Variants in LRP1B observed in about 807,000 individuals in gnomAD.
The protein encoded by LRP1B is LDL receptor related protein 1B.
LRP1B carries 217 observed loss-of-function variants against 556.6 expected under a neutral mutation model. That is an observed-to-expected ratio of 0.39 (90% CI 0.35 to 0.44). LRP1B has a LOEUF of 0.44. Ranked by LOEUF, LRP1B falls within the 20% of genes least tolerant of loss-of-function variation. LRP1B has a pLI of 1.00. For synonymous variants in LRP1B, 2,047 were observed against 1,865.8 expected (o/e 1.10, Z -2.50); for missense variants, 5,053 against 5,620.8 (o/e 0.90, Z 3.23).
intron 2 of LRP1B, among the ~76,000 whole-genome samples, chr2:141,688,961 T>G (rs1234948748): frequency 6.6e-6 from 1 of 151,876 alleles, no homozygotes; most frequent in African/African-American, 2.4e-5. Context: ...CTATTTCCAA[T>G]TCCTTGTCCT....
intron 79 of LRP1B, among the ~76,000 whole-genome samples, chr2:140,332,603 C>T (rs1031115958): frequency 1.3e-5 from 2 of 152,046 alleles, no homozygotes; most frequent in African/African-American, 2.4e-5. Flanking sequence ...ATCACAGCCC[C>T]AAGGCCAATT....
intron 3 of LRP1B, among the ~76,000 whole-genome samples, chr2:141,476,992 G>A (rs1225816077): frequency 1.3e-5 from 2 of 152,116 alleles, no homozygotes; most frequent in East Asian, 1.9e-4. Context: ...GTGTGTTGGC[G>A]CATGCCTGTA....
At chr2:141,885,045 T>C (rs1699066626) in intron 1 of LRP1B, among the ~76,000 whole-genome samples, 1 of 152,260 alleles carries the variant, frequency 6.6e-6, no homozygotes, top group Non-Finnish European at 1.5e-5. Context: ...ATATTAAATA[T>C]TCAAATTGTT....
chr2:140,853,640 T>G (rs1692525605), intron 27 of LRP1B, among the ~76,000 whole-genome samples: 1 of 152,092 alleles, frequency 6.6e-6, no homozygotes, highest in Non-Finnish European at 1.5e-5. Flanking sequence ...TAACATTCCT[T>G]ACATCAAGAT....
chr2:140,726,334 G>A (rs1335899732), intron 35 of LRP1B, among the ~76,000 whole-genome samples: 3 of 152,070 alleles, frequency 2.0e-5, no homozygotes, highest in Non-Finnish European at 2.9e-5. Flanking sequence ...AAATAAATAA[G>A]TAAATAAAAG....
chr2:141,729,124 A>C (rs1693165915), intron 2 of LRP1B, among the ~76,000 whole-genome samples: 1 of 152,150 alleles, frequency 6.6e-6, no homozygotes, highest in Non-Finnish European at 1.5e-5. Context: ...AGGTGAGCCA[A>C]AGGGAGCCTG....
At chr2:140,654,674 C>T (rs1684814083) in intron 41 of LRP1B, among the ~76,000 whole-genome samples, 1 of 151,904 alleles carries the variant, frequency 6.6e-6, no homozygotes, top group African/African-American at 2.4e-5. Context: ...CAGACTGACA[C>T]TATAGATGGG....
At chr2:141,108,656 G>A (rs10205473) in intron 7 of LRP1B, among the ~76,000 whole-genome samples, 54,710 of 151,780 alleles carry the variant, frequency 0.36, 10,349 homozygotes, top group East Asian at 0.66. Flanking sequence ...GGCCAAAAAT[G>A]TGTTTATAAT....
At chr2:140,731,764 C>CAAAAAAAA (rs36060787) in intron 35 of LRP1B, among the ~76,000 whole-genome samples, 3 of 59,386 alleles carry the variant, frequency 5.1e-5, no homozygotes, top group Non-Finnish European at 6.6e-5. Context: ...GAGACTCCGT[C>CAAAAAAAA]AAAAAAAAAA....
In LRP1B at chr2:141,903,613, T is replaced by C. The variant is rs193083600; in HGVS notation, c.83-93212A>G. ...TTAAAAAAATACTGAGAATAATTAA[T>C]CTATTTTGCTCTAGTCGGTCAAGCA... is the stretch of plus-strand genomic sequence containing the variant. On this transcript the variant is annotated intron_variant, in intron 1 of 90. Transcript: ENST00000389484. 4.4e-4 allele frequency among the ~76,000 whole-genome samples: 67 copies of C among 152,080 alleles called. No individual in the cohort carries two copies. In the East Asian group the frequency reaches 0.012, roughly 28 times the overall value.
intron 2 of LRP1B, among the ~76,000 whole-genome samples, chr2:141,745,249 T>C (rs1693869767): frequency 6.6e-6 from 1 of 152,128 alleles, no homozygotes; most frequent in South Asian, 2.1e-4. Flanking sequence ...CAAAGTCAGC[T>C]AGACTCCTGT....
At chr2:140,878,761 T>G (rs1693383607) in intron 25 of LRP1B, among the ~76,000 whole-genome samples, 1 of 151,928 alleles carries the variant, frequency 6.6e-6, no homozygotes, top group African/African-American at 2.4e-5. Flanking sequence ...AATCCTAGCA[T>G]TTTGGGAGGT....
At chr2:141,729,022 T>C (rs1431605849) in intron 2 of LRP1B, among the ~76,000 whole-genome samples, 2 of 152,144 alleles carry the variant, frequency 1.3e-5, no homozygotes, top group East Asian at 1.9e-4. Context: ...AGTCCCCATC[T>C]GCTAGTTGGA....
intron 11 of LRP1B, among the ~76,000 whole-genome samples, chr2:141,028,642 CTTAA>C (rs761561161): frequency 8.6e-5 from 13 of 151,934 alleles, no homozygotes; most frequent in African/African-American, 1.5e-4. Context: ...ATAAATTGAT[CTTAA>C]TTGTTTCTTA....
In LRP1B at chr2:140,509,910, C is replaced by T; in HGVS notation, c.8398+18G>A. 6.2e-7 allele frequency: 1 copy of T among 1,609,080 alleles called. No individual in the cohort carries two copies. Among genetic ancestry groups the T allele is most frequent in the Non-Finnish European group, 8.5e-7 (1 of 1,178,022 alleles). Reference sequence around the variant, plus strand: ...GCAACAGTTTTCTTTGACATGCAGCCCTGGCCAGTGTTCATACCGCAGCCT... The same window carrying T: ...GCAACAGTTTTCTTTGACATGCAGCTCTGGCCAGTGTTCATACCGCAGCCT... On this transcript the variant is annotated intron_variant, in intron 52 of 90. Coordinates refer to ENST00000389484, the MANE Select transcript of LRP1B (RefSeq NM_018557.3).
Position 141,579,724 on chromosome 2 carries a change from C to CTTTTTTTTTTTTTTTTTT in LRP1B, c.206-99209_206-99192dup, listed in dbSNP as rs33913417. Among the ~76,000 whole-genome samples, 433 of 100,916 alleles carry CTTTTTTTTTTTTTTTTTT rather than the reference C, an allele frequency of 4.3e-3. 45 individuals carry two copies. The highest frequency in any genetic ancestry group is 0.022 in the East Asian group (76 of 3,442). 66.2% of individuals were successfully genotyped at this position (100,916 alleles called of 152,430 possible). ...CATAAGGAAAACATATCAGGTTTCA[C>CTTTTTTTTTTTTTTTTTT]TTTTTTTTTTTTTTTTTTGAGACGG... On this transcript the variant is annotated intron_variant, in intron 2 of 90. Transcript: ENST00000389484.
At chr2:141,876,318 A>G (rs1044518580) in intron 1 of LRP1B, among the ~76,000 whole-genome samples, 2 of 151,966 alleles carry the variant, frequency 1.3e-5, no homozygotes, top group African/African-American at 4.8e-5. Flanking sequence ...CTTTGGGACC[A>G]AAAGGGCAAA....
chr2:140,733,886 T>C (rs1687860522), intron 35 of LRP1B, among the ~76,000 whole-genome samples: 2 of 152,260 alleles, frequency 1.3e-5, no homozygotes, highest in Admixed American at 1.3e-4. Flanking sequence ...AAGCAAAATT[T>C]AATTATCATT....
chr2:141,554,390 A>G (rs1685885406), intron 2 of LRP1B, among the ~76,000 whole-genome samples: 1 of 150,088 alleles, frequency 6.7e-6, no homozygotes, highest in Non-Finnish European at 1.5e-5. Context: ...AGGAATAGAT[A>G]TACATTATAT....
Sources: allele counts gnomAD v4.1 joint callset (sites outside exome capture counted in the v4.1 genomes callset), GRCh38; gene constraint gnomAD v4.1.1; transcripts MANE v1.5; gene names NCBI Gene and HGNC (gene_info 2026-07-23, HGNC 2026-07-21).